The following AGPS variants were observed in gnomAD, a reference collection of about 807,000 sequenced individuals.
AGPS encodes the protein alkyldihydroxyacetonephosphate synthase, peroxisomal.
In AGPS, 26 loss-of-function variants were observed where a neutral mutation model predicts 90.7. The ratio of observed to expected loss-of-function variants is 0.29; its 90% confidence interval spans 0.21 to 0.40. AGPS has a LOEUF of 0.40. Among genes scored for constraint, AGPS ranks in the 10% least tolerant of loss-of-function variants. AGPS has a pLI of 1.00. For missense variants in AGPS, 540 were observed against 816.1 expected, an observed-to-expected ratio of 0.66 and a Z score of 4.12; for synonymous variants, 294 against 285.3, an observed-to-expected ratio of 1.03 and a Z score of -0.31.
chr2:177,396,152 GT>G (rs1164455511), intron 1 of AGPS, among the ~76,000 whole-genome samples: 4 of 152,130 alleles, frequency 2.6e-5, no homozygotes, highest in Non-Finnish European at 5.9e-5. Flanking sequence ...TATTTTGAGA[GT>G]TTATATTCCA....
intron 10 of AGPS, among the ~76,000 whole-genome samples, chr2:177,474,487 C>G (rs1007727412): frequency 6.6e-6 from 1 of 152,192 alleles, no homozygotes; most frequent in Non-Finnish European, 1.5e-5. Flanking sequence ...GACACACATT[C>G]CTGGTGACTG....
intron 10 of AGPS, among the ~76,000 whole-genome samples, chr2:177,480,589 A>T (rs1405931146): frequency 6.6e-6 from 1 of 152,014 alleles, no homozygotes; most frequent in Non-Finnish European, 1.5e-5. Flanking sequence ...GGCGGGGGGA[A>T]GTGGGGAGGG....
At chr2:177,401,196 G>A (rs1685320786) in intron 1 of AGPS, among the ~76,000 whole-genome samples, 1 of 152,136 alleles carries the variant, frequency 6.6e-6, no homozygotes, top group Admixed American at 6.5e-5. Flanking sequence ...TACAGGTGTA[G>A]GTGGAAACCT....
At chr2:177,440,834 A>C (rs552111894) in intron 5 of AGPS, 131 bp from the exon 6 acceptor site, 11 of 719,830 alleles carry the variant, frequency 1.5e-5, no homozygotes, top group Non-Finnish European at 2.7e-5. Context: ...GTACTCAATT[A>C]ACTCATTGTG....
chr2:177,515,396 A>T (rs558153637), intron 17 of AGPS, among the ~76,000 whole-genome samples: 1 of 152,168 alleles, frequency 6.6e-6, no homozygotes, highest in Non-Finnish European at 1.5e-5. Flanking sequence ...AGTCAAATCT[A>T]TTCTTGTGTA....
At chr2:177,482,268 T>TTG (rs1687969277) in intron 11 of AGPS, 82 bp downstream of exon 11, 7 of 753,934 alleles carry the variant, frequency 9.3e-6, no homozygotes, top group East Asian at 3.9e-5. Flanking sequence ...ACATAGTTGA[T>TTG]TGTGATATGT....
intron 19 of AGPS, among the ~76,000 whole-genome samples, chr2:177,536,766 G>C (rs2105746001): frequency 6.6e-6 from 1 of 152,114 alleles, no homozygotes; most frequent in East Asian, 1.9e-4. Flanking sequence ...ATTTCTGAAA[G>C]CCAAGCAGAT....
At chr2:177,534,725 T>G (rs2079168339) in intron 19 of AGPS, among the ~76,000 whole-genome samples, 1 of 151,920 alleles carries the variant, frequency 6.6e-6, no homozygotes, top group African/African-American at 2.4e-5. Flanking sequence ...TAGCTGAGAC[T>G]GCAGATGCGT....
At chr2:177,509,218 T>C (rs1688795078) in intron 16 of AGPS, among the ~76,000 whole-genome samples, 3 of 152,224 alleles carry the variant, frequency 2.0e-5, no homozygotes, top group Admixed American at 6.5e-5. Context: ...GTTTATGTTA[T>C]ACTATCACTC....
intron 18 of AGPS, among the ~76,000 whole-genome samples, chr2:177,522,283 T>G (rs1299150415): frequency 6.6e-6 from 1 of 152,216 alleles, no homozygotes; most frequent in Non-Finnish European, 1.5e-5. Context: ...ATGTCCCTTC[T>G]GTACAGTACC....
chr2:177,482,216 C>A, intron 11 of AGPS, 30 bp downstream of exon 11: 2 of 1,154,044 alleles, frequency 1.7e-6, no homozygotes, highest in Non-Finnish European at 1.2e-6. Context: ...TATATACATA[C>A]ATACATATAT....
At chr2:177,499,755 A>G in intron 14 of AGPS, 25 bp downstream of exon 14, 1 of 1,424,394 alleles carries the variant, frequency 7.0e-7, no homozygotes, top group East Asian at 2.3e-5. Context: ...TCATAATGCC[A>G]AGAGAAAGAG....
At position 177,445,853 on chromosome 2, in the gene AGPS, G is replaced by A. The variant is rs78331242; in HGVS notation, c.870+227G>A. The stretch of plus-strand genomic sequence containing the variant: ...ATAAGGCATTGTCTGCTACCTTCAG[G>A]TAGCTTAGATTAGGACAGAAAGTTC... On this transcript the variant is annotated intron_variant, in intron 8 of 19. Transcript: ENST00000264167. Among the ~76,000 whole-genome samples, 4,987 of 152,216 alleles carry A rather than the reference G, an allele frequency of 0.033. 121 individuals are homozygous for A. The highest frequency in any genetic ancestry group is 0.05 in the Non-Finnish European group (3,407 of 68,000).
intron 16 of AGPS, among the ~76,000 whole-genome samples, chr2:177,512,817 G>A (rs1239759887): frequency 1.3e-5 from 2 of 152,160 alleles, no homozygotes; most frequent in African/African-American, 2.4e-5. Context: ...TTGTGAGTAA[G>A]CTATCGAACA....
chr2:177,508,560 G>A (rs1688776302), intron 16 of AGPS, among the ~76,000 whole-genome samples: 1 of 152,082 alleles, frequency 6.6e-6, no homozygotes. Context: ...TTAGGAAATG[G>A]CCCAAATAAG....
intron 17 of AGPS, among the ~76,000 whole-genome samples, chr2:177,515,974 G>C (rs1177162399): frequency 6.6e-6 from 1 of 152,084 alleles, no homozygotes; most frequent in Admixed American, 6.6e-5. Context: ...ATTCCATGTT[G>C]AATATGTGAG....
intron 8 of AGPS, among the ~76,000 whole-genome samples, chr2:177,446,421 G>A (rs1457596192): frequency 6.6e-6 from 1 of 152,130 alleles, no homozygotes; most frequent in African/African-American, 2.4e-5. Flanking sequence ...GATTACAGGC[G>A]TGAGCCACCA....
intron 10 of AGPS, among the ~76,000 whole-genome samples, chr2:177,473,856 G>C (rs1413415655): frequency 6.6e-6 from 1 of 152,078 alleles, no homozygotes; most frequent in Non-Finnish European, 1.5e-5. Context: ...GACTCACCTT[G>C]GTCATTTCAT....
intron 12 of AGPS, among the ~76,000 whole-genome samples, chr2:177,496,144 A>G (rs1688407706): frequency 6.6e-6 from 1 of 152,148 alleles, no homozygotes; most frequent in Admixed American, 6.6e-5. Context: ...ACTAGCATTA[A>G]TGGAAATTGT....
Sources: allele counts gnomAD v4.1 joint callset (sites outside exome capture counted in the v4.1 genomes callset), GRCh38; gene constraint gnomAD v4.1.1; transcripts MANE v1.5; gene names NCBI Gene and HGNC (gene_info 2026-07-23, HGNC 2026-07-21).